Variants in PTPRC observed in about 807,000 individuals in gnomAD.
PTPRC encodes the protein protein tyrosine phosphatase receptor type C.
A neutral mutation model predicts 155.9 loss-of-function variants in PTPRC; 44 were observed. The observed-to-expected ratio is 0.28, with a 90% CI of 0.22 to 0.36. The LOEUF is 0.36. Among genes scored for constraint, PTPRC ranks in the 10% least tolerant of loss-of-function variants. PTPRC has a pLI of 1.00. For synonymous variants in PTPRC, 525 were observed against 533.1 expected (o/e 0.98, Z 0.21); for missense variants, 1,401 against 1,564.6 (o/e 0.90, Z 1.76).
At chr1:198,709,007 TG>T (rs1269577638) in intron 10 of PTPRC, among the ~76,000 whole-genome samples, 1 of 152,206 alleles carries the variant, frequency 6.6e-6, no homozygotes, top group East Asian at 1.9e-4. Flanking sequence ...TATAGATTCA[TG>T]GCCATCAGGC....
In PTPRC at chr1:198,666,090, A is replaced by T. The variant is rs185397032; in HGVS notation, c.74-26257A>T. ...TCCCATCTCTACAAAAAATACAAAA[A>T]TTAGCTGGGTATAGTGCCTGTGGTC... On this transcript the variant is annotated intron_variant, in intron 2 of 32. Transcript: ENST00000442510. Among the ~76,000 whole-genome samples the T allele has an allele frequency of 9.6e-4, 146 of 152,126 alleles. 1 individual carries two copies. Among genetic ancestry groups the T allele is most frequent in the Admixed American group, 6.9e-3 (105 of 15,276 alleles).
intron 17 of PTPRC, among the ~76,000 whole-genome samples, chr1:198,731,214 C>T (rs1654372336): frequency 6.6e-6 from 1 of 151,862 alleles, no homozygotes. Flanking sequence ...ATTTCATTTG[C>T]ATGTTTACAG....
intron 27 of PTPRC, 31 bp downstream of exon 27, chr1:198,748,230 C>T (rs1403891667): frequency 6.3e-7 from 1 of 1,576,346 alleles, no homozygotes; most frequent in East Asian, 2.3e-5. Context: ...TTTTTTGTAT[C>T]AGATAAAGTT....
chr1:198,688,504 A>C (rs751279229), intron 2 of PTPRC, among the ~76,000 whole-genome samples: 4 of 152,268 alleles, frequency 2.6e-5, no homozygotes, highest in Admixed American at 1.3e-4. Flanking sequence ...ATTGTGCTTG[A>C]TATTAGTGTA....
chr1:198,730,631 T>A (rs1654343101), intron 17 of PTPRC, among the ~76,000 whole-genome samples: 1 of 152,038 alleles, frequency 6.6e-6, no homozygotes, highest in Non-Finnish European at 1.5e-5. Flanking sequence ...ACTTGGAAAG[T>A]GTCAATGAAA....
intron 2 of PTPRC, chr1:198,680,034 C>T: frequency 1.9e-6 from 1 of 525,346 alleles, no homozygotes; most frequent in South Asian, 2.5e-5. Context: ...TGCTGAGGTC[C>T]CTGGCATGGC....
At chr1:198,747,112 C>A (rs1448868795) in intron 26 of PTPRC, among the ~76,000 whole-genome samples, 1 of 151,620 alleles carries the variant, frequency 6.6e-6, no homozygotes, top group African/African-American at 2.4e-5. Flanking sequence ...AAATATTATT[C>A]ACTTGACAAA....
At chr1:198,752,919 CCACAA>C in intron 31 of PTPRC, 147 bp downstream of exon 31, 2 of 790,840 alleles carry the variant, frequency 2.5e-6, no homozygotes, top group Non-Finnish European at 4.2e-6. Context: ...TTGGTTGTTT[CCACAA>C]CACAACTATT....
chr1:198,685,751 A>T (rs969722471), intron 2 of PTPRC, among the ~76,000 whole-genome samples: 1 of 151,820 alleles, frequency 6.6e-6, no homozygotes, highest in Non-Finnish European at 1.5e-5. Context: ...GCTTTTTTCC[A>T]CTTTTGTACA....
At chr1:198,648,034 A>T (rs1169059133) in intron 2 of PTPRC, among the ~76,000 whole-genome samples, 1 of 151,928 alleles carries the variant, frequency 6.6e-6, no homozygotes, top group Non-Finnish European at 1.5e-5. Flanking sequence ...TATATATAAC[A>T]TATTAAGTAA....
At chr1:198,724,310 C>A (rs1277507336) in intron 15 of PTPRC, among the ~76,000 whole-genome samples, 1 of 152,118 alleles carries the variant, frequency 6.6e-6, no homozygotes, top group Non-Finnish European at 1.5e-5. Context: ...TGTTGGGTTT[C>A]CCCGGCATAA....
At chr1:198,687,305 C>CT (rs912221011) in intron 2 of PTPRC, among the ~76,000 whole-genome samples, 3 of 151,916 alleles carry the variant, frequency 2.0e-5, no homozygotes, top group Non-Finnish European at 4.4e-5. Context: ...CTCATCAGGT[C>CT]TTTTTTTTCT....
At chr1:198,682,549 A>G (rs1041184029) in intron 2 of PTPRC, among the ~76,000 whole-genome samples, 1 of 152,010 alleles carries the variant, frequency 6.6e-6, no homozygotes, top group Non-Finnish European at 1.5e-5. Context: ...ATTCACAGAC[A>G]CTCACTGTCC....
intron 2 of PTPRC, among the ~76,000 whole-genome samples, chr1:198,646,924 A>G (rs887275912): frequency 4.6e-5 from 7 of 151,858 alleles, no homozygotes; most frequent in African/African-American, 1.2e-4. Context: ...GCATTTAGGA[A>G]AAATAAAAGC....
rs1318882193 is a variant in PTPRC, at chr1:198,662,473, TGTGTGAGA to T, written c.73+23138_73+23145del. On this transcript the variant is annotated intron_variant, in intron 2 of 32. Transcript: ENST00000442510. ...GTGTGTGTGTGTGTGTGTGTGTGTG[TGTGTGAGA>T]GTGTGTGTGTATAAACATGAGACCA... is the stretch of plus-strand genomic sequence containing the variant. Among the ~76,000 whole-genome samples, 596 of 148,878 alleles carry T rather than the reference TGTGTGAGA, an allele frequency of 4.0e-3. 1 individual carries two copies. Among genetic ancestry groups the T allele is most frequent in the Middle Eastern group, 0.021 (6 of 284 alleles).
intron 2 of PTPRC, among the ~76,000 whole-genome samples, chr1:198,678,528 A>G (rs907504613): frequency 1.1e-4 from 17 of 152,194 alleles, no homozygotes; most frequent in African/African-American, 3.6e-4. Context: ...CAACAAAAGC[A>G]AAGCCACTCT....
chr1:198,692,742 T>C, intron 3 of PTPRC: 1 of 930,952 alleles, frequency 1.1e-6, no homozygotes, highest in Non-Finnish European at 1.3e-6. Flanking sequence ...TGTCTATGTA[T>C]GTTATAGATA....
chr1:198,655,169 G>A (rs186341429), intron 2 of PTPRC, among the ~76,000 whole-genome samples: 300 of 150,194 alleles, frequency 2.0e-3, no homozygotes, highest in African/African-American at 6.8e-3. Context: ...TCAAGTTGCC[G>A]GTTTTTTTTA....
chr1:198,640,799 C>A (rs1662535912), intron 2 of PTPRC, among the ~76,000 whole-genome samples: 1 of 151,894 alleles, frequency 6.6e-6, no homozygotes, highest in Non-Finnish European at 1.5e-5. Flanking sequence ...ATTCATTTAA[C>A]TTCTATTATT....
Sources: allele counts gnomAD v4.1 joint callset (sites outside exome capture counted in the v4.1 genomes callset), GRCh38; gene constraint gnomAD v4.1.1; transcripts MANE v1.5; gene names NCBI Gene and HGNC (gene_info 2026-07-23, HGNC 2026-07-21).